RAB11FIP4: variants seen among roughly 807,000 people sequenced by gnomAD.
RAB11FIP4 encodes RAB11 family interacting protein 4.
In RAB11FIP4, 23 loss-of-function variants were observed where a neutral mutation model predicts 74.3. That is an observed-to-expected ratio of 0.31 (90% CI 0.22 to 0.44). The LOEUF (loss-of-function observed/expected upper bound fraction) is 0.44. RAB11FIP4 is among the 20% of genes least tolerant of loss of function. RAB11FIP4 has a pLI of 1.00. For missense variants in RAB11FIP4, 630 were observed against 863.9 expected, an observed-to-expected ratio of 0.73 and a Z score of 3.39; for synonymous variants, 360 against 359.9, an observed-to-expected ratio of 1.00 and a Z score of 0.00.
chr17:31,427,513 TC>T (rs1427158398), intron 1 of RAB11FIP4, among the ~76,000 whole-genome samples: 1 of 152,174 alleles, frequency 6.6e-6, no homozygotes, highest in Admixed American at 6.5e-5. Flanking sequence ...CACCAGTGTC[TC>T]CCAGCCTCAG....
chr17:31,493,290 T>C (rs1184677086), intron 3 of RAB11FIP4, among the ~76,000 whole-genome samples: 2 of 152,212 alleles, frequency 1.3e-5, no homozygotes, highest in Non-Finnish European at 2.9e-5. Flanking sequence ...GTGGCTCTGC[T>C]CATGGGAGCC....
intron 1 of RAB11FIP4, among the ~76,000 whole-genome samples, chr17:31,402,365 G>T (rs1232554854): frequency 1.3e-5 from 2 of 152,186 alleles, no homozygotes; most frequent in Non-Finnish European, 2.9e-5. Flanking sequence ...GGGAGACTGA[G>T]AACTCAGGCT....
At chr17:31,456,945 C>T (rs7213426) in intron 3 of RAB11FIP4, among the ~76,000 whole-genome samples, 8,162 of 152,036 alleles carry the variant, frequency 0.054, 268 homozygotes, top group African/African-American at 0.084. Context: ...AAAGTTAAGC[C>T]GAAAGGGTTG....
chr17:31,525,205 A>G lies in RAB11FIP4; in HGVS notation c.1249A>G (p.Thr417Ala). Reference sequence around the variant, plus strand: ...CGGCAAGCTGGAGAGGGAGAAGGCTACCGAGGTGGAGCTGCTCAATGCCAG... The same window carrying G: ...CGGCAAGCTGGAGAGGGAGAAGGCTGCCGAGGTGGAGCTGCTCAATGCCAG... ...AYGKLEREKA[T>A]EVELLNARVQ... The change falls in exon 10 of 15, where the codon ACC becomes GCC. Residue 417 changes from threonine to alanine, a missense_variant. Coordinates refer to ENST00000621161, the MANE Select transcript of RAB11FIP4 (RefSeq NM_032932.6). 6.5e-7 allele frequency: 1 copy of G among 1,548,342 alleles called. No homozygotes were observed. The highest frequency in any genetic ancestry group is 8.7e-7 in the Non-Finnish European group (1 of 1,146,682).
intron 2 of RAB11FIP4, 89 bp from the exon 3 acceptor site, chr17:31,433,945 C>T: frequency 7.6e-7 from 1 of 1,311,062 alleles, no homozygotes; most frequent in Non-Finnish European, 1.1e-6. Flanking sequence ...CAGCCCTTCC[C>T]ACCCTATGCC....
chr17:31,462,788 C>T (rs543242892), intron 3 of RAB11FIP4, among the ~76,000 whole-genome samples: 4 of 152,192 alleles, frequency 2.6e-5, no homozygotes, highest in Middle Eastern at 3.4e-3. Flanking sequence ...ATGTGCGTGC[C>T]ACCACGTCTG....
intron 2 of RAB11FIP4, 91 bp downstream of exon 2, chr17:31,431,991 C>T: frequency 3.0e-6 from 3 of 985,036 alleles, no homozygotes; most frequent in Non-Finnish European, 4.7e-6. Flanking sequence ...CTGGATTCCT[C>T]CCCACAGGGG....
At chr17:31,450,985 A>G (rs2071521707) in intron 3 of RAB11FIP4, among the ~76,000 whole-genome samples, 1 of 151,204 alleles carries the variant, frequency 6.6e-6, no homozygotes, top group African/African-American at 2.4e-5. Context: ...TCCACATCCA[A>G]CCCATCATCA....
At chr17:31,498,495 G>A (rs1367465745) in intron 3 of RAB11FIP4, among the ~76,000 whole-genome samples, 1 of 152,230 alleles carries the variant, frequency 6.6e-6, no homozygotes, top group African/African-American at 2.4e-5. Context: ...AGGAGGCCCT[G>A]CAGGGTTGGG....
chr17:31,519,054 G>A (rs141797477), intron 4 of RAB11FIP4, among the ~76,000 whole-genome samples: 7,067 of 115,592 alleles, frequency 0.061, 508 homozygotes, highest in East Asian at 0.31. Context: ...TCGCTCTGTC[G>A]CCCAGGCTGG....
rs1597983359 is a variant in RAB11FIP4 at position 31,525,093 on chromosome 17, G to A, written c.1137G>A (p.Val379=). The stretch of plus-strand genomic sequence containing the variant: ...TTGCCCATTGCGCTGTCCTCAGGGT[G>A]CATGAGCTGGAGGAGATGGTGAAGG... ...KQENTQLVHR[V]HELEEMVKDQ... The change falls in exon 10 of 15, where the codon GTG becomes GTA. Residue 379 remains valine (V), a synonymous_variant. Coordinates refer to ENST00000621161, the MANE Select transcript of RAB11FIP4 (RefSeq NM_032932.6). 1 of 1,550,506 alleles carries A rather than the reference G, an allele frequency of 6.4e-7. No individual in the cohort carries two copies. The highest frequency in any genetic ancestry group is 8.7e-7 in the Non-Finnish European group (1 of 1,147,138).
chr17:31,470,138 C>T (rs2071723928), intron 3 of RAB11FIP4, among the ~76,000 whole-genome samples: 1 of 152,164 alleles, frequency 6.6e-6, no homozygotes, highest in Admixed American at 6.5e-5. Flanking sequence ...CTGAGAGTCG[C>T]TGCTTCTGAG....
chr17:31,401,665 TG>T (rs2070987177), intron 1 of RAB11FIP4, among the ~76,000 whole-genome samples: 1 of 152,210 alleles, frequency 6.6e-6, no homozygotes, highest in South Asian at 2.1e-4. Context: ...TGATGACACA[TG>T]GGCCTGCAGT....
Position 31,523,811 on chromosome 17 carries a change from G to A in RAB11FIP4, c.1030-82G>A. 3 of 1,157,544 alleles carry A rather than the reference G, an allele frequency of 2.6e-6. 1 individual carries two copies. Among genetic ancestry groups the A allele is most frequent in the Non-Finnish European group, 3.8e-6 (3 of 780,084 alleles). The allele number at this position is 1,157,544 out of a possible 1,614,324, so 71.7% of individuals were successfully genotyped here. A position where few individuals can be genotyped will look rare whatever the true frequency, so the allele number is the denominator to read the frequency against. ...AGATACACAGTGGTTTGGAGGTCCT[G>A]CTCATGAACCTCATGGCGTCGAGGT... On this transcript the variant is annotated intron_variant, in intron 8 of 14. Transcript: ENST00000621161.
intron 1 of RAB11FIP4, among the ~76,000 whole-genome samples, chr17:31,397,940 T>A (rs1435968086): frequency 6.6e-6 from 1 of 151,702 alleles, no homozygotes; most frequent in Non-Finnish European, 1.5e-5. Context: ...CAGGGGTGCA[T>A]CATGGCTCAC....
At chr17:31,456,355 C>A (rs1308980271) in intron 3 of RAB11FIP4, among the ~76,000 whole-genome samples, 1 of 152,098 alleles carries the variant, frequency 6.6e-6, no homozygotes, top group South Asian at 2.1e-4. Flanking sequence ...TACACACATG[C>A]GGCACCACTC....
In RAB11FIP4 at chr17:31,480,793, CAAAAAAAAAA is replaced by C. The variant is rs36097331; in HGVS notation, c.337-36844_337-36835del. Among the ~76,000 whole-genome samples, 28 of 73,862 alleles carry C rather than the reference CAAAAAAAAAA, an allele frequency of 3.8e-4. 1 individual carries two copies. In the South Asian group the frequency reaches 0.013, roughly 34 times the overall value. 48.5% of individuals were successfully genotyped at this position (73,862 alleles called of 152,430 possible). A position where few individuals can be genotyped will look rare whatever the true frequency, so the allele number is the denominator to read the frequency against. On this transcript the variant is annotated intron_variant, in intron 3 of 14. Transcript: ENST00000621161. ...CAGAGCCAGACTCCAGACTCCGTCTCAAAAAAAAAAAAAAAAAAAAAAAGAAAGAAAATAG... is the reference window on the plus strand; with the variant it reads ...CAGAGCCAGACTCCAGACTCCGTCTCAAAAAAAAAAAAAGAAAGAAAATAG...
At chr17:31,438,639 C>G (rs985446566) in intron 3 of RAB11FIP4, among the ~76,000 whole-genome samples, 16 of 152,122 alleles carry the variant, frequency 1.1e-4, no homozygotes, top group African/African-American at 3.4e-4. Flanking sequence ...ACATCAGCTC[C>G]TACCCACTAC....
At position 31,521,301 on chromosome 17, in the gene RAB11FIP4, C is replaced by A; in HGVS notation, c.699C>A (p.Cys233Ter). 1 of 1,614,022 alleles carries A rather than the reference C, an allele frequency of 6.2e-7. No individual in the cohort carries two copies. Among genetic ancestry groups the A allele is most frequent in the Non-Finnish European group, 8.5e-7 (1 of 1,179,922 alleles). ...TGGACTGTGCCCCCAGCAGCCCTTGCCCCGATGATGAGACCAGGACCAACG... is the reference window on the plus strand; with the variant it reads ...TGGACTGTGCCCCCAGCAGCCCTTGACCCGATGATGAGACCAGGACCAACG... ...DDVDCAPSSPCPDDETRTNVY... is the reference protein window; with the variant it reads ...DDVDCAPSSP The change falls in exon 5 of 15, where the codon TGC becomes TGA. Residue 233 changes from cysteine to a stop codon, truncating the protein, a stop_gained. Coordinates refer to ENST00000621161, the MANE Select transcript of RAB11FIP4 (RefSeq NM_032932.6). LOFTEE classifies it high-confidence loss of function.
Sources: allele counts gnomAD v4.1 joint callset (sites outside exome capture counted in the v4.1 genomes callset), GRCh38; gene constraint gnomAD v4.1.1; transcripts MANE v1.5; gene names NCBI Gene and HGNC (gene_info 2026-07-23, HGNC 2026-07-21).